The following SPINK9 variants were observed in gnomAD, a reference collection of about 807,000 sequenced individuals.
The protein encoded by SPINK9 is serine peptidase inhibitor Kazal type 9.
A neutral mutation model predicts 10.8 loss-of-function variants in SPINK9; 3 were observed. The observed-to-expected ratio is 0.28, with a 90% CI of 0.13 to 0.72. The LOEUF (loss-of-function observed/expected upper bound fraction) is 0.72, where lower values mean the gene tolerates loss of function less well. Among genes scored for constraint, SPINK9 ranks in the 30% least tolerant of loss-of-function variants. SPINK9 has a pLI of 0.74. For synonymous variants in SPINK9, 30 were observed against 31.2 expected (o/e 0.96, Z 0.12); for missense variants, 101 against 103.2 (o/e 0.98, Z 0.09).
chr5:148,338,436 A>T, intron 2 of SPINK9, 42 bp from the exon 3 acceptor site: 1 of 1,557,432 alleles, frequency 6.4e-7, no homozygotes, highest in South Asian at 1.2e-5. Flanking sequence ...GATAATAAAG[A>T]TTTGGTTGAA....
intron 2 of SPINK9, among the ~76,000 whole-genome samples, chr5:148,324,877 T>C (rs1757039622): frequency 6.6e-6 from 1 of 152,050 alleles, no homozygotes; most frequent in Non-Finnish European, 1.5e-5. Context: ...CGCTATCTAA[T>C]GCCAGGACAT....
upstream of SPINK9, among the ~76,000 whole-genome samples, chr5:148,331,927 T>G (rs949082605): frequency 6.6e-6 from 1 of 152,164 alleles, no homozygotes; most frequent in Non-Finnish European, 1.5e-5. Context: ...GAGACTTTGA[T>G]AGGGAATATG....
At chr5:148,332,494 G>A (rs1015167718), upstream of SPINK9, among the ~76,000 whole-genome samples, 4 of 152,230 alleles carry the variant, frequency 2.6e-5, no homozygotes, top group African/African-American at 9.6e-5. Context: ...TGTGCTAGAT[G>A]AGCATTCACG....
chr5:148,334,756 T>A (rs1409601248), upstream of SPINK9, among the ~76,000 whole-genome samples: 1 of 151,606 alleles, frequency 6.6e-6, no homozygotes, highest in African/African-American at 2.4e-5. Flanking sequence ...ATGAGAGCAG[T>A]CAGTTTTTCA....
intron 3 of SPINK9, 28 bp downstream of exon 3, chr5:148,338,633 T>C (rs1405533368): frequency 6.7e-7 from 1 of 1,497,870 alleles, no homozygotes; most frequent in Non-Finnish European, 9.1e-7. Flanking sequence ...TTCTTTTTCA[T>C]ATTTAAGGTA....
chr5:148,334,821 A>G (rs1454650084), upstream of SPINK9, among the ~76,000 whole-genome samples: 1 of 152,198 alleles, frequency 6.6e-6, no homozygotes, highest in Non-Finnish European at 1.5e-5. Flanking sequence ...GTAAATGCTC[A>G]TTAATATTTA....
chr5:148,335,508 T>A (rs1267363993), upstream of SPINK9: 2 of 979,376 alleles, frequency 2.0e-6, no homozygotes, highest in Non-Finnish European at 1.6e-6. Context: ...ATTTCACAAT[T>A]GAGGCAGGAA....
intron 2 of SPINK9, among the ~76,000 whole-genome samples, chr5:148,336,680 C>T (rs779596722): frequency 5.3e-5 from 8 of 152,186 alleles, no homozygotes; most frequent in African/African-American, 1.2e-4. Flanking sequence ...TTTAATTCCA[C>T]GTTTTTGATC....
At position 148,337,422 on chromosome 5, in the gene SPINK9, T is replaced by G. The variant is rs149093760; in HGVS notation, c.87+969T>G. ...GAAGCTGATGAATGAATGAATGAAT[T>G]AATTAATGAAGCACATCTGGAGGGA... On this transcript the variant is annotated intron_variant, in intron 2 of 3. Transcript: ENST00000377906. Among the ~76,000 whole-genome samples, 207 of 152,294 alleles carry G rather than the reference T, an allele frequency of 1.4e-3. 1 individual carries two copies. Among genetic ancestry groups the G allele is most frequent in the South Asian group, 0.011 (53 of 4,832 alleles).
At chr5:148,332,000 G>A (rs866748859), upstream of SPINK9, among the ~76,000 whole-genome samples, 25 of 152,212 alleles carry the variant, frequency 1.6e-4, no homozygotes, top group African/African-American at 5.5e-4. Context: ...TTGCTCTTTG[G>A]GGTCAGTTTT....
At chr5:148,338,452 T>C (rs1561769359) in intron 2 of SPINK9, 26 bp from the exon 3 acceptor site, 20 of 1,579,596 alleles carry the variant, frequency 1.3e-5, no homozygotes, top group Non-Finnish European at 1.7e-5. Context: ...TTGAAAGAGT[T>C]GAAGGTTTTT....
Position 148,323,389 on chromosome 5 carries a change from T to C in SPINK9, c.-72-290T>C, listed in dbSNP as rs533537749. 4.8e-3 allele frequency among the ~76,000 whole-genome samples: 738 copies of C among 152,272 alleles called. 6 individuals carry two copies. Among genetic ancestry groups the C allele is most frequent in the Non-Finnish European group, 7.7e-3 (524 of 68,008 alleles). On this transcript the variant is annotated intron_variant, in intron 1 of 4. Coordinates refer to the SPINK9 transcript ENST00000511717. ...CAAATAATTTTAGCTTGTAAGGCAA[T>C]AGATGTATATTATTAAGAATTATGA...
intron 1 of SPINK9, 142 bp from the exon 2 acceptor site, chr5:148,336,280 T>C: frequency 2.3e-6 from 2 of 851,354 alleles, no homozygotes; most frequent in Non-Finnish European, 3.7e-6. Flanking sequence ...CAACCTTTGA[T>C]ACAATGCTGA....
intron 2 of SPINK9, among the ~76,000 whole-genome samples, chr5:148,324,695 T>C (rs565239328): frequency 3.5e-4 from 53 of 151,640 alleles, no homozygotes; most frequent in African/African-American, 1.2e-3. Context: ...TGATAATGCA[T>C]GATCCTGAAT....
rs748366664 is a variant in SPINK9 at position 148,336,468 on chromosome 5, C to A, written c.87+15C>A. ...CGAAACAGATGGTCAGTACACCCAT[C>A]CTACTTTTATGTAATTTTAAAGTCA... On this transcript the variant is annotated intron_variant, in intron 2 of 3. Transcript: ENST00000377906. 3 of 1,612,222 alleles carry A rather than the reference C, an allele frequency of 1.9e-6. No individual in the cohort carries two copies. In the Admixed American group the frequency reaches 5.0e-5, roughly 27 times the overall value.
At chr5:148,327,701 T>A (rs1486499650) in intron 2 of SPINK9, among the ~76,000 whole-genome samples, 1 of 151,218 alleles carries the variant, frequency 6.6e-6, no homozygotes, top group Non-Finnish European at 1.5e-5. Flanking sequence ...AAGGAAGGGA[T>A]CCAGTTTCAG....
intron 2 of SPINK9, among the ~76,000 whole-genome samples, chr5:148,324,455 C>T (rs1757033604): frequency 6.6e-6 from 1 of 151,994 alleles, no homozygotes. Flanking sequence ...AAGTTGACAT[C>T]ATTAATGATA....
At chr5:148,332,739 A>G (rs1017080522), upstream of SPINK9, among the ~76,000 whole-genome samples, 1 of 152,206 alleles carries the variant, frequency 6.6e-6, no homozygotes. Flanking sequence ...TGGACTCATC[A>G]TAGAGGGAAA....
intron 2 of SPINK9, among the ~76,000 whole-genome samples, chr5:148,326,069 T>C (rs968011223): frequency 6.6e-6 from 1 of 152,128 alleles, no homozygotes; most frequent in African/African-American, 2.4e-5. Context: ...AAAAAAACTA[T>C]TAAAATTGGG....
Sources: gnomAD v4.1 joint callset for allele counts (sites outside exome capture counted in the v4.1 genomes callset) on GRCh38, gnomAD v4.1.1 for gene constraint, MANE v1.5 for transcripts, NCBI Gene and HGNC (gene_info 2026-07-23, HGNC 2026-07-21) for gene names.